The following SMAD2 variants were observed in gnomAD, a reference collection of about 807,000 sequenced individuals.
The protein encoded by SMAD2 is MAD homolog 2.
In SMAD2, 8 loss-of-function variants were observed where a neutral mutation model predicts 64.4. That is an observed-to-expected ratio of 0.12 (90% CI 0.07 to 0.22). The LOEUF is 0.22. SMAD2 is among the 10% of genes least tolerant of loss of function. SMAD2 has a pLI of 1.00. For missense variants in SMAD2, 289 were observed against 561.2 expected, an observed-to-expected ratio of 0.51 and a Z score of 4.90; for synonymous variants, 203 against 195.8, an observed-to-expected ratio of 1.04 and a Z score of -0.31.
chr18:47,923,520 C>G (rs1303035209), intron 1 of SMAD2: 6 of 152,192 alleles, frequency 3.9e-5, no homozygotes, highest in Non-Finnish European at 8.8e-5. Context: ...TCAGTCACAG[C>G]AGCCACATTT....
intron 10 of SMAD2, among the ~76,000 whole-genome samples, chr18:47,842,848 T>C (rs1356744757): frequency 6.6e-6 from 1 of 152,164 alleles, no homozygotes; most frequent in African/African-American, 2.4e-5. Context: ...TCTAAGAGAA[T>C]TACAAATTAT....
intron 2 of SMAD2, among the ~76,000 whole-genome samples, chr18:47,877,992 T>C (rs2032365588): frequency 6.6e-6 from 1 of 152,218 alleles, no homozygotes. Flanking sequence ...ACCTTCACTC[T>C]GTGTAGAAAA....
Position 47,827,411 on chromosome 18 carries a change from A to G in SMAD2, c.*14416T>C, listed in dbSNP as rs1912793004. The G allele has an allele frequency of 6.6e-6, 1 of 152,216 alleles. No homozygotes were observed. The highest frequency in any genetic ancestry group is 1.5e-5 in the Non-Finnish European group (1 of 68,038). 9.4% of individuals were successfully genotyped at this position (152,216 alleles called of 1,614,324 possible). On this transcript the variant is annotated 3_prime_UTR_variant, in exon 11 of 11. Transcript: ENST00000262160. ...ATCACTATGTAAATTGTGAATTAAG[A>G]CATTATTACTTGGTGGCAATAACGG...
At chr18:47,919,345 C>T (rs1182502719) in intron 1 of SMAD2, among the ~76,000 whole-genome samples, 1 of 133,196 alleles carries the variant, frequency 7.5e-6, no homozygotes, top group Non-Finnish European at 1.7e-5. Flanking sequence ...AAAGGAGATA[C>T]TAGTAAAACA....
In SMAD2 at chr18:47,833,695, A is replaced by C. The variant is rs1013334707; in HGVS notation, c.*8132T>G. On this transcript the variant is annotated 3_prime_UTR_variant, in exon 11 of 11. Transcript: ENST00000262160. Reference sequence around the variant, plus strand: ...CTGCATCAGGACACCCAATTCCTTCACTTGCCATTGGCTGATGCATTTAAT... The same window carrying C: ...CTGCATCAGGACACCCAATTCCTTCCCTTGCCATTGGCTGATGCATTTAAT... 1 of 231,086 alleles carries C rather than the reference A, an allele frequency of 4.3e-6. No individual in the cohort carries two copies. The highest frequency in any genetic ancestry group is 2.2e-5 in the African/African-American group (1 of 45,228). The allele number at this position is 231,086 out of a possible 1,614,324, so 14.3% of individuals were successfully genotyped here.
intron 4 of SMAD2, 118 bp from the exon 5 acceptor site, chr18:47,868,575 C>A (rs962124308): frequency 2.6e-6 from 2 of 766,060 alleles, no homozygotes; most frequent in Non-Finnish European, 4.5e-6. Context: ...CTAGGGTCCA[C>A]CTACTCGATA....
rs1216418395 is a variant in SMAD2 at position 47,838,081 on chromosome 18, TTTTA to T, written c.*3742_*3745del. On this transcript the variant is annotated 3_prime_UTR_variant, in exon 11 of 11. Coordinates refer to ENST00000262160, the MANE Select transcript of SMAD2 (RefSeq NM_005901.6). ...AGAAACCAACTGGGTATATATTTTC[TTTTA>T]TTTGATTTCAACTAGCAAGAGACTA... 9 of 233,048 alleles carry T rather than the reference TTTTA, an allele frequency of 3.9e-5. No homozygotes were observed. The highest frequency in any genetic ancestry group is 7.6e-5 in the Non-Finnish European group (9 of 117,708). The allele number at this position is 233,048 out of a possible 1,614,324, so 14.4% of individuals were successfully genotyped here. A position where few individuals can be genotyped will look rare whatever the true frequency, so the allele number is the denominator to read the frequency against.
chr18:47,882,570 C>G (rs2032670872), intron 2 of SMAD2: 1 of 152,176 alleles, frequency 6.6e-6, no homozygotes, highest in African/African-American at 2.4e-5. Flanking sequence ...ATTCTTTTCT[C>G]ATGTATGTTA....
At chr18:47,899,936 C>T (rs1221673126) in intron 1 of SMAD2, among the ~76,000 whole-genome samples, 1 of 152,104 alleles carries the variant, frequency 6.6e-6, no homozygotes. Flanking sequence ...CTTCAGAGAA[C>T]AGATTCTGAA....
Position 47,827,593 on chromosome 18 carries a change from G to C in SMAD2, c.*14234C>G, listed in dbSNP as rs2144245620. The stretch of plus-strand genomic sequence containing the variant: ...TGCAACCTCCCTGCCTGATTCTCCT[G>C]CCTCAGCCTGCCGAGTGCCTGGGAT... On this transcript the variant is annotated 3_prime_UTR_variant, in exon 11 of 11. Coordinates refer to ENST00000262160, the MANE Select transcript of SMAD2 (RefSeq NM_005901.6). 1 of 155,296 alleles carries C rather than the reference G, an allele frequency of 6.4e-6. No individual in the cohort carries two copies. The highest frequency in any genetic ancestry group is 2.4e-5 in the African/African-American group (1 of 41,626). The allele number at this position is 155,296 out of a possible 1,614,324, so 9.6% of individuals were successfully genotyped here. A position where few individuals can be genotyped will look rare whatever the true frequency, so the allele number is the denominator to read the frequency against.
chr18:47,907,699 C>G (rs1354854619), intron 1 of SMAD2, among the ~76,000 whole-genome samples: 3 of 152,166 alleles, frequency 2.0e-5, no homozygotes, highest in Non-Finnish European at 4.4e-5. Context: ...CACCTATAAT[C>G]CCAGCACTTT....
chr18:47,917,303 C>T (rs2034375858), intron 1 of SMAD2, among the ~76,000 whole-genome samples: 1 of 152,076 alleles, frequency 6.6e-6, no homozygotes, highest in Admixed American at 6.5e-5. Flanking sequence ...CCAATTTTAC[C>T]TTATAAATTA....
chr18:47,850,434 ATT>A lies in SMAD2; in HGVS notation c.784+838_784+839del, dbSNP rs1354467094. Among the ~76,000 whole-genome samples the A allele has an allele frequency of 4.6e-4, 11 of 23,956 alleles. 2 individuals carry two copies. The highest frequency in any genetic ancestry group is 2.0e-3 in the Admixed American group (2 of 1,010). 15.7% of individuals were successfully genotyped at this position (23,956 alleles called of 152,430 possible). A position where few individuals can be genotyped will look rare whatever the true frequency, so the allele number is the denominator to read the frequency against. On this transcript the variant is annotated intron_variant, in intron 7 of 10. Coordinates refer to ENST00000262160, the MANE Select transcript of SMAD2 (RefSeq NM_005901.6). ...ATAATATATATAATATATTATATAT[ATT>A]ATGTATAATATATATTATATATTAT...
chr18:47,870,098 A>AT (rs5824711), intron 3 of SMAD2, among the ~76,000 whole-genome samples: 84,232 of 151,964 alleles, frequency 0.55, 23,754 homozygotes, highest in East Asian at 0.81. Flanking sequence ...TTAAGTATGT[A>AT]TTTATTAGTA....
Position 47,865,000 on chromosome 18 carries a change from AAAC to A in SMAD2, c.730+56_730+58del, listed in dbSNP as rs1403777083. On this transcript the variant is annotated intron_variant, in intron 6 of 10. Coordinates refer to ENST00000262160, the MANE Select transcript of SMAD2 (RefSeq NM_005901.6). ...AAGAGTAACATCTTTTGTGAATTTC[AAAC>A]AATACAAGAAATGTATATCTAATAA... The A allele has an allele frequency of 3.0e-6, 3 of 1,001,918 alleles. No homozygotes were observed. In the African/African-American group the frequency reaches 4.8e-5, roughly 16 times the overall value. 62.1% of individuals were successfully genotyped at this position (1,001,918 alleles called of 1,614,324 possible).
rs1912173962 is a variant in SMAD2 at position 47,810,755 on chromosome 18, C to G, written c.*31072G>C. The G allele has an allele frequency of 6.6e-6, 1 of 152,030 alleles. No individual in the cohort carries two copies. Among genetic ancestry groups the G allele is most frequent in the East Asian group, 1.9e-4 (1 of 5,138 alleles). The allele number at this position is 152,030 out of a possible 1,614,324, so 9.4% of individuals were successfully genotyped here. On this transcript the variant is annotated 3_prime_UTR_variant, in exon 11 of 11. Coordinates refer to ENST00000262160, the MANE Select transcript of SMAD2 (RefSeq NM_005901.6). ...TTTAAGACCAGGCTGGGCAACACAG[C>G]AAGATCCTGTCTCTGTTAAAAAAGA...
At chr18:47,927,149 G>A (rs1253919934) in intron 1 of SMAD2, among the ~76,000 whole-genome samples, 1 of 152,100 alleles carries the variant, frequency 6.6e-6, no homozygotes. Context: ...GTAATTAAAG[G>A]GCAATAAGTG....
intron 1 of SMAD2, among the ~76,000 whole-genome samples, chr18:47,916,182 C>T (rs1469494303): frequency 6.6e-6 from 1 of 152,052 alleles, no homozygotes; most frequent in Non-Finnish European, 1.5e-5. Flanking sequence ...ATTTTTATTG[C>T]CATGTTCTTT....
intron 2 of SMAD2, among the ~76,000 whole-genome samples, chr18:47,893,989 G>C (rs536395971): frequency 2.9e-4 from 44 of 152,276 alleles, no homozygotes; most frequent in African/African-American, 1.0e-3. Flanking sequence ...TAATGATGAA[G>C]CAGCTCCAGA....
Sources: allele counts gnomAD v4.1 joint callset (sites outside exome capture counted in the v4.1 genomes callset), GRCh38; gene constraint gnomAD v4.1.1; transcripts MANE v1.5; gene names NCBI Gene and HGNC (gene_info 2026-07-23, HGNC 2026-07-21).